The following ME1 variants were observed in gnomAD, a reference collection of about 807,000 sequenced individuals.
ME1 encodes the protein malic enzyme 1.
In ME1, 74 loss-of-function variants were observed where a neutral mutation model predicts 66.4. The observed-to-expected ratio is 1.11, with a 90% confidence interval of 0.92 to 1.35. The LOEUF (loss-of-function observed/expected upper bound fraction) is 1.35, where lower values mean the gene tolerates loss of function less well. Among genes scored for constraint, ME1 ranks in the 40% most tolerant of loss-of-function variants. The pLI, the probability that ME1 is intolerant of heterozygous loss-of-function variation, is 0.00. For synonymous variants in ME1, 251 were observed against 235.6 expected (o/e 1.07, Z -0.60); for missense variants, 750 against 694.1 (o/e 1.08, Z -0.90).
chr6:83,405,720 T>C lies in ME1; in HGVS notation c.212+2048A>G, dbSNP rs1230835897. On this transcript the variant is annotated intron_variant, in intron 2 of 13. Transcript: ENST00000369705. The stretch of plus-strand genomic sequence containing the variant: ...TTGAGAGTTTTTTTTGTTGTTGTTG[T>C]TGTTTTTTTTTTTTTTTTTGAGACG... Among the ~76,000 whole-genome samples the C allele has an allele frequency of 8.3e-5, 12 of 145,390 alleles. No individual in the cohort carries two copies. In the East Asian group the frequency reaches 2.4e-3, roughly 29 times the overall value.
intron 6 of ME1, among the ~76,000 whole-genome samples, chr6:83,262,698 A>G (rs539899333): frequency 3.9e-5 from 6 of 152,338 alleles, no homozygotes; most frequent in Non-Finnish European, 8.8e-5. Context: ...TTTAGCAATA[A>G]CTAATGACCA....
In ME1 at chr6:83,307,384, G is replaced by A. The variant is rs555319617; in HGVS notation, c.704+7926C>T. On this transcript the variant is annotated intron_variant, in intron 6 of 13. Transcript: ENST00000369705. ...TTTGAGTCATGTTCCCTAGTAACATGACTGCTGATTTTTCTCACATTGACA... is the reference window on the plus strand; with the variant it reads ...TTTGAGTCATGTTCCCTAGTAACATAACTGCTGATTTTTCTCACATTGACA... Among the ~76,000 whole-genome samples the A allele has an allele frequency of 1.3e-3, 192 of 152,186 alleles. 2 individuals carry two copies. Among genetic ancestry groups the A allele is most frequent in the African/African-American group, 4.0e-3 (168 of 41,552 alleles).
At chr6:83,370,940 T>G (rs1377594136) in intron 3 of ME1, among the ~76,000 whole-genome samples, 4 of 152,002 alleles carry the variant, frequency 2.6e-5, no homozygotes, top group Non-Finnish European at 5.9e-5. Context: ...AAAACATTAA[T>G]GAAGAAAAAG....
At chr6:83,382,389 T>C (rs747934811) in intron 3 of ME1, among the ~76,000 whole-genome samples, 8 of 152,028 alleles carry the variant, frequency 5.3e-5, no homozygotes, top group Non-Finnish European at 1.0e-4. Flanking sequence ...TGTAAAGAAA[T>C]GGCAAGGTTG....
chr6:83,230,807 C>A (rs1262430662), intron 9 of ME1, among the ~76,000 whole-genome samples: 2 of 152,046 alleles, frequency 1.3e-5, no homozygotes, highest in South Asian at 4.2e-4. Flanking sequence ...GTGGCAGGAG[C>A]CTGTAGTCCC....
chr6:83,378,459 G>C (rs933586427), intron 3 of ME1, among the ~76,000 whole-genome samples: 3 of 151,758 alleles, frequency 2.0e-5, no homozygotes, highest in Non-Finnish European at 4.4e-5. Flanking sequence ...TTCTCTACTT[G>C]GTATTTTTTT....
At chr6:83,268,151 T>C (rs1325172081) in intron 6 of ME1, among the ~76,000 whole-genome samples, 1 of 152,158 alleles carries the variant, frequency 6.6e-6, no homozygotes, top group African/African-American at 2.4e-5. Flanking sequence ...TCTTGTTAAA[T>C]GATCTACTCA....
At chr6:83,241,945 G>A (rs1158607436) in intron 7 of ME1, among the ~76,000 whole-genome samples, 3 of 151,948 alleles carry the variant, frequency 2.0e-5, no homozygotes, top group South Asian at 2.1e-4. Flanking sequence ...TCACTGCAGC[G>A]TCCATCTCCC....
In ME1 at chr6:83,227,488, A is replaced by C; in HGVS notation, c.1133-11T>G. ...CAATTGCAGCAACTCCTAATGAAGA[A>C]ATATGAAGCTGGTAATTAACACTAT... On this transcript the variant is annotated splice_polypyrimidine_tract_variant and intron_variant, in intron 10 of 13. Coordinates refer to ENST00000369705, the MANE Select transcript of ME1 (RefSeq NM_002395.6). 1 of 1,585,436 alleles carries C rather than the reference A, an allele frequency of 6.3e-7. No individual in the cohort carries two copies. The highest frequency in any genetic ancestry group is 2.3e-5 in the East Asian group (1 of 44,378).
At chr6:83,324,365 T>A (rs567221739) in intron 5 of ME1, among the ~76,000 whole-genome samples, 106 of 151,216 alleles carry the variant, frequency 7.0e-4, no homozygotes, top group African/African-American at 2.4e-3. Context: ...GATAAAGACA[T>A]GAAAAACCCT....
At chr6:83,308,105 G>C (rs1767859165) in intron 6 of ME1, among the ~76,000 whole-genome samples, 1 of 152,056 alleles carries the variant, frequency 6.6e-6, no homozygotes, top group Admixed American at 6.6e-5. Flanking sequence ...AGATGATATG[G>C]CTTCAGACTA....
At chr6:83,221,340 TGTG>T (rs1480797789) in intron 12 of ME1, among the ~76,000 whole-genome samples, 1 of 152,070 alleles carries the variant, frequency 6.6e-6, no homozygotes, top group Non-Finnish European at 1.5e-5. Flanking sequence ...GATTCCAGGA[TGTG>T]GTGGTATTTA....
At chr6:83,320,245 A>G (rs903032205) in intron 5 of ME1, among the ~76,000 whole-genome samples, 1 of 152,226 alleles carries the variant, frequency 6.6e-6, no homozygotes, top group Admixed American at 6.5e-5. Context: ...TGATGTTAAG[A>G]AGGTTAAACC....
chr6:83,385,545 C>T (rs1769489514), intron 3 of ME1, among the ~76,000 whole-genome samples: 1 of 151,890 alleles, frequency 6.6e-6, no homozygotes, highest in Non-Finnish European at 1.5e-5. Context: ...AGCCGATGAA[C>T]TGTTACTTTA....
chr6:83,408,063 T>C (rs1309480984), intron 1 of ME1, among the ~76,000 whole-genome samples, 162 bp from the exon 2 acceptor site: 1 of 152,204 alleles, frequency 6.6e-6, no homozygotes, highest in Non-Finnish European at 1.5e-5. Context: ...AAGCTCTCCA[T>C]ATCTCAGTTT....
chr6:83,303,154 A>G (rs2128537059), intron 6 of ME1, among the ~76,000 whole-genome samples: 1 of 152,280 alleles, frequency 6.6e-6, no homozygotes, highest in Admixed American at 6.5e-5. Flanking sequence ...TTATTTCCAT[A>G]TCTGCTTTAG....
At chr6:83,345,785 T>A (rs1242700487) in intron 5 of ME1, among the ~76,000 whole-genome samples, 2 of 152,200 alleles carry the variant, frequency 1.3e-5, no homozygotes. Flanking sequence ...TGATCTATTT[T>A]AGGTTCAATA....
At chr6:83,309,996 C>T (rs1264841829) in intron 6 of ME1, among the ~76,000 whole-genome samples, 1 of 151,950 alleles carries the variant, frequency 6.6e-6, no homozygotes, top group South Asian at 2.1e-4. Context: ...ATTACTAGGC[C>T]CAATTGATAA....
chr6:83,236,715 T>C (rs1583332713), intron 9 of ME1, among the ~76,000 whole-genome samples: 1 of 152,204 alleles, frequency 6.6e-6, no homozygotes, highest in East Asian at 1.9e-4. Context: ...AAGCTATTTA[T>C]CAAAGTTTTC....
Sources: allele counts gnomAD v4.1 joint callset (sites outside exome capture counted in the v4.1 genomes callset), GRCh38; gene constraint gnomAD v4.1.1; transcripts MANE v1.5; gene names NCBI Gene and HGNC (gene_info 2026-07-23, HGNC 2026-07-21).